The following DMD variants were observed in gnomAD, a reference collection of about 807,000 sequenced individuals.
DMD encodes the protein mutant dystrophin.
A neutral mutation model predicts 330.1 loss-of-function variants in DMD; 63 were observed. The observed-to-expected ratio is 0.19, with a 90% CI of 0.16 to 0.24. DMD has a LOEUF of 0.24. Ranked by LOEUF, DMD falls within the 10% of genes least tolerant of loss-of-function variation. DMD has a pLI of 1.00. For missense variants in DMD, 3,344 were observed against 2,684.1 expected, an observed-to-expected ratio of 1.25 and a Z score of -5.43; for synonymous variants, 1,223 against 959.8, an observed-to-expected ratio of 1.27 and a Z score of -5.07.
At chrX:33,108,354 C>T (rs2095309159) in intron 1 of DMD, among the ~76,000 whole-genome samples, 1 of 110,820 alleles carries the variant, frequency 9.0e-6, no homozygotes, top group South Asian at 3.9e-4. Context: ...GTAACCTCTG[C>T]CTCTCGGTTT....
At chrX:32,751,858 G>A (rs2070863244) in intron 7 of DMD, among the ~76,000 whole-genome samples, 1 of 112,769 alleles carries the variant, frequency 8.9e-6, no homozygotes. Flanking sequence ...AAAAGGGGCC[G>A]AGGTACAGCT....
intron 44 of DMD, chrX:32,206,170 C>A: frequency 2.0e-6 from 1 of 511,965 alleles, no homozygotes; most frequent in Non-Finnish European, 3.6e-6. Flanking sequence ...TTTGAAATAA[C>A]ACCATCAGTG....
At chrX:33,086,175 C>G (rs1053824054) in intron 1 of DMD, among the ~76,000 whole-genome samples, 30 of 111,269 alleles carry the variant, frequency 2.7e-4, no homozygotes, top group African/African-American at 9.8e-4. Context: ...ATTGAACCTT[C>G]TAAATTATCT....
rs959473555 is a variant in DMD, at chrX:32,323,940, C to T, written c.5923-13664G>A. Among the ~76,000 whole-genome samples, 11 of 110,769 alleles carry T rather than the reference C, an allele frequency of 9.9e-5. No individual in the cohort carries two copies. The South Asian group carries it at 3.0e-3, about 31-fold the overall frequency. On this transcript the variant is annotated intron_variant, in intron 41 of 78. Transcript: ENST00000357033. Reference sequence around the variant, plus strand: ...TTTTATATCTTCATAAGATCAAGCACGTATTGGTAAGAATATGTGATTTTT... The same window carrying T: ...TTTTATATCTTCATAAGATCAAGCATGTATTGGTAAGAATATGTGATTTTT...
At chrX:31,500,097 T>G (rs768908641) in intron 56 of DMD, among the ~76,000 whole-genome samples, 2 of 112,054 alleles carry the variant, frequency 1.8e-5, no homozygotes, top group East Asian at 5.6e-4. Flanking sequence ...GGACAAAAAC[T>G]GAAGCGAAAA....
At chrX:33,339,241 T>C (rs747067161) in intron 1 of DMD, 23 of 1,025,208 alleles carry the variant, frequency 2.2e-5, no homozygotes, top group Non-Finnish European at 1.3e-6. Flanking sequence ...AATGATGTAA[T>C]AGCTTTAATA....
chrX:31,341,891 G>GCACACA (rs58867858), intron 61 of DMD, among the ~76,000 whole-genome samples: 284 of 98,884 alleles, frequency 2.9e-3, no homozygotes, highest in African/African-American at 8.0e-3. Flanking sequence ...GTGCGCGCGC[G>GCACACA]CACACACACA....
chrX:33,313,743 G>A (rs1469656026), intron 1 of DMD, among the ~76,000 whole-genome samples: 1 of 111,044 alleles, frequency 9.0e-6, no homozygotes, highest in Non-Finnish European at 1.9e-5. Context: ...TCTAAAAAGT[G>A]GAGCTTGCAA....
chrX:32,061,290 T>C (rs2096223029), intron 44 of DMD, among the ~76,000 whole-genome samples: 1 of 111,047 alleles, frequency 9.0e-6, no homozygotes, highest in Non-Finnish European at 1.9e-5. Flanking sequence ...TGATTGATGC[T>C]ATTCTGACTC....
rs754485003 is a variant in DMD, at chrX:31,768,608, AT to A, written c.7542+5351del. Among the ~76,000 whole-genome samples, 5 of 110,511 alleles carry A rather than the reference AT, an allele frequency of 4.5e-5. No individual in the cohort carries two copies. The East Asian group carries it at 1.4e-3, about 31-fold the overall frequency. On this transcript the variant is annotated intron_variant, in intron 51 of 78. Transcript: ENST00000357033. ...AAACCCAGGACATATTTTTCCCTTC[AT>A]TTGATAGATTATGTCAAAAAAGAAA...
chrX:31,598,221 C>T, intron 55 of DMD, among the ~76,000 whole-genome samples: 2 of 110,665 alleles, frequency 1.8e-5, no homozygotes, highest in Non-Finnish European at 3.8e-5. Flanking sequence ...CAGGCTCAAG[C>T]AATCCTCCTG....
At chrX:32,645,481 T>G (rs976233229) in intron 9 of DMD, among the ~76,000 whole-genome samples, 3 of 112,210 alleles carry the variant, frequency 2.7e-5, no homozygotes, top group Admixed American at 9.5e-5. Flanking sequence ...CCTCATTTCT[T>G]ATTTATAATA....
intron 47 of DMD, among the ~76,000 whole-genome samples, chrX:31,889,647 T>TCACACA (rs773894352): frequency 3.9e-3 from 278 of 71,570 alleles, no homozygotes; most frequent in African/African-American, 0.014. Flanking sequence ...TCTCTCTCTC[T>TCACACA]CACACACACA....
intron 55 of DMD, among the ~76,000 whole-genome samples, chrX:31,548,188 T>C (rs900428304): frequency 8.9e-6 from 1 of 111,985 alleles, no homozygotes; most frequent in South Asian, 3.8e-4. Context: ...CCTGGAACAG[T>C]GCCACTCAAT....
At chrX:33,056,790 A>G (rs1266318757) in intron 1 of DMD, among the ~76,000 whole-genome samples, 1 of 111,962 alleles carries the variant, frequency 8.9e-6, no homozygotes, top group Non-Finnish European at 1.9e-5. Flanking sequence ...ATGAGTTTAT[A>G]TACCATAATA....
At chrX:32,759,102 C>A (rs1338342952) in intron 7 of DMD, among the ~76,000 whole-genome samples, 3 of 111,775 alleles carry the variant, frequency 2.7e-5, no homozygotes, top group Non-Finnish European at 3.8e-5. Flanking sequence ...CCATCACAGC[C>A]CTTGTTGATT....
chrX:32,290,964 A>C (rs1202420185), intron 42 of DMD, among the ~76,000 whole-genome samples: 1 of 111,971 alleles, frequency 8.9e-6, no homozygotes. Flanking sequence ...AAGAAGGTGC[A>C]AATTGCAGTA....
chrX:32,210,676 G>C (rs1889060805), intron 44 of DMD, among the ~76,000 whole-genome samples: 1 of 111,605 alleles, frequency 9.0e-6, no homozygotes, highest in African/African-American at 3.3e-5. Context: ...CATGTTAGGT[G>C]TATCCTAATA....
chrX:32,067,733 C>T (rs1410174728), intron 44 of DMD, among the ~76,000 whole-genome samples: 2 of 111,835 alleles, frequency 1.8e-5, no homozygotes, highest in Admixed American at 1.9e-4. Context: ...ATGTGTACAA[C>T]ATTTACTTTA....
Sources: allele counts gnomAD v4.1 joint callset (sites outside exome capture counted in the v4.1 genomes callset), GRCh38; gene constraint gnomAD v4.1.1; transcripts MANE v1.5; gene names NCBI Gene and HGNC (gene_info 2026-07-23, HGNC 2026-07-21).